Variants in SEL1L2 observed in about 807,000 individuals in gnomAD.
SEL1L2 encodes the protein protein sel-1 homolog 2.
In SEL1L2, 89 loss-of-function variants were observed where a neutral mutation model predicts 98.8. The ratio of observed to expected loss-of-function variants is 0.90; its 90% CI spans 0.76 to 1.07. The LOEUF (loss-of-function observed/expected upper bound fraction) is 1.07. Among genes scored for constraint, SEL1L2 ranks in the 50% least tolerant of loss-of-function variants. The pLI, the probability that SEL1L2 is intolerant of heterozygous loss-of-function variation, is 0.00. For synonymous variants in SEL1L2, 262 were observed against 278.5 expected (o/e 0.94, Z 0.59); for missense variants, 788 against 812.0 (o/e 0.97, Z 0.36).
intron 2 of SEL1L2, among the ~76,000 whole-genome samples, chr20:13,949,610 C>A (rs1331052395): frequency 6.6e-6 from 1 of 152,020 alleles, no homozygotes. Context: ...TTGCAGTAAG[C>A]CAAGCTCGTG....
In SEL1L2 at chr20:13,849,353, T is replaced by C; in HGVS notation, c.*132A>G. 8.5e-7 allele frequency: 1 copy of C among 1,179,012 alleles called. No individual in the cohort carries two copies. Among genetic ancestry groups the C allele is most frequent in the East Asian group, 2.4e-5 (1 of 41,898 alleles). 73.0% of individuals were successfully genotyped at this position (1,179,012 alleles called of 1,614,324 possible). On this transcript the variant is annotated 3_prime_UTR_variant, in exon 20 of 20. Coordinates refer to ENST00000284951, the MANE Select transcript of SEL1L2 (RefSeq NM_025229.2). ...TTTCTCTAGGATGGTCCCCAAGTCTTGTCTGTTTCCCATCACAGCCCTGAG... is the reference window on the plus strand; with the variant it reads ...TTTCTCTAGGATGGTCCCCAAGTCTCGTCTGTTTCCCATCACAGCCCTGAG...
intron 3 of SEL1L2, among the ~76,000 whole-genome samples, chr20:13,924,936 C>T (rs890173971): frequency 2.6e-5 from 4 of 152,116 alleles, no homozygotes; most frequent in South Asian, 2.1e-4. Flanking sequence ...ATCAGGAGTT[C>T]GAGACCAGCC....
intron 4 of SEL1L2, chr20:13,915,318 A>G: frequency 8.9e-7 from 1 of 1,129,580 alleles, no homozygotes; most frequent in South Asian, 1.4e-5. Context: ...AGATCAAGAA[A>G]GAAATTAACC....
At chr20:13,981,648 T>A (rs1021524750) in intron 1 of SEL1L2, among the ~76,000 whole-genome samples, 4 of 152,208 alleles carry the variant, frequency 2.6e-5, no homozygotes, top group African/African-American at 9.7e-5. Flanking sequence ...GAAAAAGCCT[T>A]ATAACTTTCA....
At chr20:13,866,953 T>C (rs1328888693) in intron 14 of SEL1L2, 103 bp from the exon 15 acceptor site, 16 of 1,163,444 alleles carry the variant, frequency 1.4e-5, no homozygotes, top group Admixed American at 1.0e-4. Context: ...TTAAATAGAA[T>C]GGGAAAAGCC....
chr20:13,851,888 C>T (rs770201373), intron 18 of SEL1L2, among the ~76,000 whole-genome samples: 6 of 152,074 alleles, frequency 3.9e-5, no homozygotes, highest in Non-Finnish European at 7.4e-5. Flanking sequence ...CTTCTCTCAG[C>T]TGTGTTCTGC....
At chr20:13,932,539 G>A (rs1462608662) in intron 2 of SEL1L2, among the ~76,000 whole-genome samples, 1 of 151,838 alleles carries the variant, frequency 6.6e-6, no homozygotes, top group East Asian at 1.9e-4. Flanking sequence ...TCAAGTGATT[G>A]TCCTGCCTCA....
intron 18 of SEL1L2, among the ~76,000 whole-genome samples, chr20:13,855,203 C>T (rs1988956999): frequency 6.6e-6 from 1 of 151,898 alleles, no homozygotes; most frequent in Non-Finnish European, 1.5e-5. Flanking sequence ...CTCAGGAGGG[C>T]TCAGGTCAAG....
chr20:13,858,905 A>C (rs1224704375), intron 18 of SEL1L2, among the ~76,000 whole-genome samples: 1 of 152,180 alleles, frequency 6.6e-6, no homozygotes, highest in Non-Finnish European at 1.5e-5. Context: ...GAGCTTGAGA[A>C]CCAGTGGAAA....
At chr20:13,903,558 C>G (rs1302440566) in intron 5 of SEL1L2, among the ~76,000 whole-genome samples, 1 of 152,092 alleles carries the variant, frequency 6.6e-6, no homozygotes, top group South Asian at 2.1e-4. Flanking sequence ...ACTGACTAGT[C>G]GAAGAAGTAT....
chr20:13,953,121 G>A (rs2050350839), intron 2 of SEL1L2, among the ~76,000 whole-genome samples: 1 of 152,160 alleles, frequency 6.6e-6, no homozygotes, highest in Admixed American at 6.5e-5. Context: ...CTCAGGGGAA[G>A]GGAACCCAGA....
At chr20:13,967,819 A>G (rs183847847) in intron 1 of SEL1L2, among the ~76,000 whole-genome samples, 1 of 152,280 alleles carries the variant, frequency 6.6e-6, no homozygotes, top group East Asian at 1.9e-4. Context: ...CAGTCATATA[A>G]TAATTGTAAC....
intron 1 of SEL1L2, among the ~76,000 whole-genome samples, chr20:13,988,994 C>G (rs2052400620): frequency 6.6e-6 from 1 of 152,100 alleles, no homozygotes; most frequent in East Asian, 1.9e-4. Context: ...GCCTGGGCAA[C>G]AAGAGCGAAA....
intron 12 of SEL1L2, among the ~76,000 whole-genome samples, chr20:13,870,922 CAAAAA>C (rs534578783): frequency 1.9e-5 from 1 of 53,176 alleles, no homozygotes; most frequent in Non-Finnish European, 3.9e-5. Flanking sequence ...AACTCCATCT[CAAAAA>C]AAAAAAAAAA....
At chr20:13,858,541 A>G (rs1244926143) in intron 18 of SEL1L2, among the ~76,000 whole-genome samples, 1 of 152,194 alleles carries the variant, frequency 6.6e-6, no homozygotes, top group Non-Finnish European at 1.5e-5. Flanking sequence ...TGTGATGTAA[A>G]TGACAGAAAC....
At chr20:13,906,279 T>C (rs2047927215) in intron 5 of SEL1L2, among the ~76,000 whole-genome samples, 1 of 152,210 alleles carries the variant, frequency 6.6e-6, no homozygotes, top group Non-Finnish European at 1.5e-5. Flanking sequence ...AGTTCAAATA[T>C]TTTACTGTAC....
rs139160528 is a variant in SEL1L2, at chr20:13,860,123, T to C, written c.1646-689A>G. ...TCAGACGTCACTCCTGAAGCTCTGCTCTCCTGCGTCAACAGTGTCGCCCTC... is the reference window on the plus strand; with the variant it reads ...TCAGACGTCACTCCTGAAGCTCTGCCCTCCTGCGTCAACAGTGTCGCCCTC... On this transcript the variant is annotated intron_variant, in intron 17 of 19. Transcript: ENST00000284951. 1.8e-3 allele frequency among the ~76,000 whole-genome samples: 272 copies of C among 152,288 alleles called. 1 individual carries two copies. The highest frequency in any genetic ancestry group is 6.2e-3 in the African/African-American group (258 of 41,570).
At chr20:13,899,466 C>A (rs1298677016) in intron 5 of SEL1L2, among the ~76,000 whole-genome samples, 1 of 152,138 alleles carries the variant, frequency 6.6e-6, no homozygotes, top group Admixed American at 6.5e-5. Flanking sequence ...ACTTAACCAG[C>A]ATTTACTAAG....
chr20:13,953,557 C>A (rs1355735487), intron 2 of SEL1L2, among the ~76,000 whole-genome samples: 1 of 152,148 alleles, frequency 6.6e-6, no homozygotes, highest in Non-Finnish European at 1.5e-5. Flanking sequence ...GGAGAAACTC[C>A]AACTGGGCTG....
Sources: allele counts gnomAD v4.1 joint callset (sites outside exome capture counted in the v4.1 genomes callset), GRCh38; gene constraint gnomAD v4.1.1; transcripts MANE v1.5; gene names NCBI Gene and HGNC (gene_info 2026-07-23, HGNC 2026-07-21).